ADTRP: variants seen among roughly 807,000 people sequenced by gnomAD.
ADTRP encodes the protein androgen-dependent TFPI-regulating protein.
A neutral mutation model predicts 27.0 loss-of-function variants in ADTRP; 20 were observed. The ratio of observed to expected loss-of-function variants is 0.74; its 90% confidence interval spans 0.52 to 1.08. ADTRP has a LOEUF of 1.08. Among genes scored for constraint, ADTRP ranks in the 50% least tolerant of loss-of-function variants. The probability of loss-of-function intolerance (pLI) is 0.00; values close to 1 mark genes in which losing one functional copy is unlikely to be tolerated. For synonymous variants in ADTRP, 101 were observed against 105.2 expected (o/e 0.96, Z 0.25); for missense variants, 251 against 275.0 (o/e 0.91, Z 0.62).
At chr6:11,770,264 G>T (rs1321464868) in intron 1 of ADTRP, among the ~76,000 whole-genome samples, 1 of 152,226 alleles carries the variant, frequency 6.6e-6, no homozygotes, top group African/African-American at 2.4e-5. Context: ...TGGGGCTAGG[G>T]CCTAGGGGTT....
intron 4 of ADTRP, 82 bp downstream of exon 4, chr6:11,735,486 G>A (rs1762517594): frequency 1.0e-6 from 1 of 955,052 alleles, no homozygotes; most frequent in African/African-American, 1.6e-5. Flanking sequence ...AAGGGATTCT[G>A]ACAGAACAGT....
chr6:11,743,543 A>T (rs1762779922), intron 3 of ADTRP, among the ~76,000 whole-genome samples: 1 of 152,154 alleles, frequency 6.6e-6, no homozygotes, highest in Non-Finnish European at 1.5e-5. Context: ...CTGAAACTCC[A>T]GCAGGTGCCC....
chr6:11,717,534 A>G lies in ADTRP; in HGVS notation c.659-3022T>C, dbSNP rs1761872619. 4 of 1,096,228 alleles carry G rather than the reference A, an allele frequency of 3.6e-6. No individual in the cohort carries two copies. The South Asian group carries it at 6.9e-5, about 19-fold the overall frequency. The allele number at this position is 1,096,228 out of a possible 1,614,324, so 67.9% of individuals were successfully genotyped here. On this transcript the variant is annotated intron_variant, in intron 5 of 5. Transcript: ENST00000414691. ...GGATAAATAAAAACATAGTATTCTCAAAGATTTACACCTATGTATCTACAA... is the reference window on the plus strand; with the variant it reads ...GGATAAATAAAAACATAGTATTCTCGAAGATTTACACCTATGTATCTACAA...
chr6:11,763,547 C>T (rs529705142), intron 3 of ADTRP, among the ~76,000 whole-genome samples: 2 of 152,296 alleles, frequency 1.3e-5, no homozygotes, highest in South Asian at 4.1e-4. Flanking sequence ...GTACCAAATG[C>T]CCAGCCGGAC....
At chr6:11,746,714 A>G (rs935390447) in intron 3 of ADTRP, among the ~76,000 whole-genome samples, 25 of 152,236 alleles carry the variant, frequency 1.6e-4, no homozygotes, top group African/African-American at 6.0e-4. Flanking sequence ...GTGGAGTGGT[A>G]TTCAGGCATG....
chr6:11,770,808 C>T (rs1763746712), intron 1 of ADTRP, among the ~76,000 whole-genome samples: 1 of 152,180 alleles, frequency 6.6e-6, no homozygotes, highest in African/African-American at 2.4e-5. Flanking sequence ...AGCCTCGCCT[C>T]ACCCTGGTTT....
chr6:11,720,701 G>A (rs77477016), intron 5 of ADTRP, among the ~76,000 whole-genome samples: 2,945 of 152,138 alleles, frequency 0.019, 97 homozygotes, highest in African/African-American at 0.067. Flanking sequence ...TCGATCTACC[G>A]TGGCTTTCTT....
At chr6:11,777,454 G>T (rs1763994594) in intron 1 of ADTRP, among the ~76,000 whole-genome samples, 1 of 151,746 alleles carries the variant, frequency 6.6e-6, no homozygotes, top group South Asian at 2.1e-4. Context: ...AACCTTAGGG[G>T]TGTGTGTGTA....
chr6:11,757,392 T>A (rs1191797398), intron 3 of ADTRP, among the ~76,000 whole-genome samples: 1 of 152,168 alleles, frequency 6.6e-6, no homozygotes, highest in African/African-American at 2.4e-5. Context: ...ACAAAATCCT[T>A]AGCATTCATG....
intron 3 of ADTRP, among the ~76,000 whole-genome samples, chr6:11,763,722 G>A (rs1379055810): frequency 6.6e-6 from 1 of 152,256 alleles, no homozygotes; most frequent in Non-Finnish European, 1.5e-5. Flanking sequence ...GAACTTGGCA[G>A]AGAACATTCC....
intron 4 of ADTRP, among the ~76,000 whole-genome samples, chr6:11,734,961 G>A (rs1762501830): frequency 6.6e-6 from 1 of 152,198 alleles, no homozygotes; most frequent in African/African-American, 2.4e-5. Flanking sequence ...CTCACTGGGT[G>A]AAAGGCCAAG....
chr6:11,742,588 T>A (rs1023399162), intron 3 of ADTRP, among the ~76,000 whole-genome samples: 2 of 152,182 alleles, frequency 1.3e-5, no homozygotes, highest in Non-Finnish European at 2.9e-5. Flanking sequence ...ATTAAAGTTT[T>A]CCCCCTAGGC....
chr6:11,760,709 C>G (rs1763366425), intron 3 of ADTRP, among the ~76,000 whole-genome samples: 1 of 152,204 alleles, frequency 6.6e-6, no homozygotes, highest in Non-Finnish European at 1.5e-5. Context: ...GCTGCCTGTT[C>G]CACGTCTTGA....
At chr6:11,739,555 A>G (rs1445336217) in intron 3 of ADTRP, among the ~76,000 whole-genome samples, 5 of 148,968 alleles carry the variant, frequency 3.4e-5, no homozygotes, top group African/African-American at 1.2e-4. Flanking sequence ...ATCACAGTAG[A>G]TTCTCTGCTT....
intron 5 of ADTRP, among the ~76,000 whole-genome samples, chr6:11,718,361 C>A (rs956981890): frequency 1.3e-5 from 2 of 152,346 alleles, no homozygotes; most frequent in South Asian, 4.1e-4. Context: ...CCTTTCTGTG[C>A]CCCATATCTC....
intron 1 of ADTRP, among the ~76,000 whole-genome samples, chr6:11,778,204 GA>G: frequency 6.6e-6 from 1 of 152,274 alleles, no homozygotes; most frequent in East Asian, 1.9e-4. Context: ...TCCTTCATTG[GA>G]AATTACACTT....
At chr6:11,734,851 C>CAGAACA (rs1762498629) in intron 4 of ADTRP, among the ~76,000 whole-genome samples, 4 of 152,184 alleles carry the variant, frequency 2.6e-5, no homozygotes, top group Admixed American at 6.5e-5. Flanking sequence ...TGATTAGCTT[C>CAGAACA]CAATCTGCAG....
In ADTRP at chr6:11,714,384, CCT is replaced by C; in HGVS notation, c.*92_*93del. 1 of 1,436,072 alleles carries C rather than the reference CCT, an allele frequency of 7.0e-7. No individual in the cohort carries two copies. Among genetic ancestry groups the C allele is most frequent in the African/African-American group, 1.5e-5 (1 of 65,994 alleles). The allele number at this position is 1,436,072 out of a possible 1,614,324, so 89.0% of individuals were successfully genotyped here. On this transcript the variant is annotated 3_prime_UTR_variant, in exon 6 of 6. Transcript: ENST00000414691. ...TCTGTCCCTCCTACTTTGCTATGTT[CCT>C]CCACCACCTCCCTCCACCAGAAAAA...
chr6:11,737,322 C>T (rs1307797062), intron 3 of ADTRP, among the ~76,000 whole-genome samples: 1 of 152,142 alleles, frequency 6.6e-6, no homozygotes, highest in African/African-American at 2.4e-5. Context: ...CCTGCAAGCT[C>T]CCGCCCCATC....
Sources: allele counts gnomAD v4.1 joint callset (sites outside exome capture counted in the v4.1 genomes callset), GRCh38; gene constraint gnomAD v4.1.1; transcripts MANE v1.5; gene names NCBI Gene and HGNC (gene_info 2026-07-23, HGNC 2026-07-21).